Variants in PDE4B observed in about 807,000 individuals in gnomAD.
PDE4B encodes the protein phosphodiesterase 4B, also known as 3',5'-cyclic-AMP phosphodiesterase 4B.
Under a neutral mutation model 82.2 loss-of-function variants are expected in PDE4B, and 20 were observed. The ratio of observed to expected loss-of-function variants is 0.24; its 90% CI spans 0.17 to 0.35. The LOEUF (loss-of-function observed/expected upper bound fraction) is 0.35. PDE4B is among the 10% of genes least tolerant of loss of function. The pLI, the probability that PDE4B is intolerant of heterozygous loss-of-function variation, is 1.00. For synonymous variants in PDE4B, 320 were observed against 318.9 expected (o/e 1.00, Z -0.04); for missense variants, 655 against 907.2 (o/e 0.72, Z 3.57).
chr1:66,180,479 A>G (rs1407689469), intron 3 of PDE4B, among the ~76,000 whole-genome samples: 1 of 152,244 alleles, frequency 6.6e-6, no homozygotes, highest in Non-Finnish European at 1.5e-5. Context: ...ATTTAAAAAG[A>G]TAATCATAGA....
chr1:66,025,205 T>C (rs1397888248), intron 3 of PDE4B, among the ~76,000 whole-genome samples: 1 of 152,086 alleles, frequency 6.6e-6, no homozygotes, highest in East Asian at 1.9e-4. Flanking sequence ...TCACCAAGTT[T>C]TTCAAAAAAT....
intron 8 of PDE4B, among the ~76,000 whole-genome samples, chr1:66,336,398 T>C (rs1321061051): frequency 6.6e-6 from 1 of 152,194 alleles, no homozygotes; most frequent in African/African-American, 2.4e-5. Flanking sequence ...AATTTTCAGG[T>C]GAAAAACGTC....
At position 66,367,937 on chromosome 1, in the gene PDE4B, C is replaced by A; in HGVS notation, c.1540-6C>A. On this transcript the variant is annotated splice_polypyrimidine_tract_variant and splice_region_variant and intron_variant, in intron 14 of 16. Transcript: ENST00000341517. ...ATTAAGAGTTTTCATTTTCTTTTTACCCAAGGTGTTAGCAACTGATATGTC... is the reference window on the plus strand; with the variant it reads ...ATTAAGAGTTTTCATTTTCTTTTTAACCAAGGTGTTAGCAACTGATATGTC... 1 of 1,613,256 alleles carries A rather than the reference C, an allele frequency of 6.2e-7. No homozygotes were observed. The highest frequency in any genetic ancestry group is 1.1e-5 in the South Asian group (1 of 90,948).
intron 1 of PDE4B, among the ~76,000 whole-genome samples, chr1:65,829,688 C>G (rs1342912181): frequency 1.3e-5 from 2 of 152,018 alleles, no homozygotes; most frequent in African/African-American, 4.8e-5. Flanking sequence ...AAAAAATACT[C>G]TTCTAAATAA....
chr1:66,190,175 G>C (rs555068610), intron 3 of PDE4B, among the ~76,000 whole-genome samples: 74 of 152,290 alleles, frequency 4.9e-4, no homozygotes, highest in African/African-American at 1.8e-3. Context: ...AAATGTTGCT[G>C]CCTGATCATT....
intron 3 of PDE4B, among the ~76,000 whole-genome samples, chr1:65,923,555 C>T (rs549388378): frequency 6.6e-6 from 1 of 152,282 alleles, no homozygotes; most frequent in South Asian, 2.1e-4. Flanking sequence ...TTAATTCCTC[C>T]TCATATCTTA....
chr1:66,229,898 C>G (rs1189325241), intron 3 of PDE4B, among the ~76,000 whole-genome samples: 1 of 152,196 alleles, frequency 6.6e-6, no homozygotes, highest in South Asian at 2.1e-4. Flanking sequence ...GGCCCTTTAG[C>G]TAGCAAATGA....
At chr1:65,900,855 A>G (rs1375599697) in intron 1 of PDE4B, among the ~76,000 whole-genome samples, 2 of 152,074 alleles carry the variant, frequency 1.3e-5, no homozygotes, top group Admixed American at 6.6e-5. Context: ...GGAACCTTTT[A>G]GTGGAGTCCT....
intron 1 of PDE4B, among the ~76,000 whole-genome samples, chr1:65,814,990 G>C (rs920601771): frequency 7.3e-5 from 11 of 151,460 alleles, no homozygotes; most frequent in Admixed American, 4.6e-4. Flanking sequence ...CCCAGCAAAA[G>C]TGTGTTCATT....
chr1:65,906,619 C>T (rs767316386), intron 1 of PDE4B, among the ~76,000 whole-genome samples: 9 of 152,062 alleles, frequency 5.9e-5, no homozygotes, highest in Non-Finnish European at 1.2e-4. Context: ...GCATTATTTA[C>T]ACAAGCAGAA....
At chr1:65,890,920 G>C (rs1454857447) in intron 1 of PDE4B, among the ~76,000 whole-genome samples, 1 of 151,990 alleles carries the variant, frequency 6.6e-6, no homozygotes, top group Admixed American at 6.6e-5. Context: ...ATTGGTTCTG[G>C]GGTGAGACTG....
At chr1:66,335,060 T>G (rs938226360) in intron 8 of PDE4B, among the ~76,000 whole-genome samples, 1 of 152,256 alleles carries the variant, frequency 6.6e-6, no homozygotes, top group African/African-American at 2.4e-5. Context: ...TCCATCCAAG[T>G]TGACATCTTA....
intron 1 of PDE4B, among the ~76,000 whole-genome samples, chr1:65,829,836 T>TTA (rs1646061789): frequency 2.0e-5 from 3 of 152,204 alleles, no homozygotes; most frequent in African/African-American, 4.8e-5. Context: ...TCAGAGATGT[T>TTA]GGTACGATCT....
chr1:66,224,283 A>G (rs1451351214), intron 3 of PDE4B, among the ~76,000 whole-genome samples: 1 of 152,168 alleles, frequency 6.6e-6, no homozygotes, highest in East Asian at 1.9e-4. Flanking sequence ...CCAAGCTTAA[A>G]TGTAAGTATT....
intron 7 of PDE4B, among the ~76,000 whole-genome samples, chr1:66,287,549 G>A (rs1418786627): frequency 1.3e-5 from 2 of 152,142 alleles, no homozygotes; most frequent in South Asian, 2.1e-4. Context: ...TGACTAGAAC[G>A]GAGGGTGAGG....
At chr1:66,102,434 G>T (rs116282200) in intron 3 of PDE4B, among the ~76,000 whole-genome samples, 4,156 of 152,160 alleles carry the variant, frequency 0.027, 82 homozygotes, top group Non-Finnish European at 0.043. Flanking sequence ...GGGAAATATT[G>T]AAATTCATTT....
At chr1:66,129,043 T>C (rs573036595) in intron 3 of PDE4B, among the ~76,000 whole-genome samples, 3 of 152,270 alleles carry the variant, frequency 2.0e-5, no homozygotes, top group African/African-American at 7.2e-5. Context: ...ATAAGGAAAC[T>C]GAGGGAAGTA....
chr1:66,222,045 C>T (rs1651029263), intron 3 of PDE4B, among the ~76,000 whole-genome samples: 1 of 152,168 alleles, frequency 6.6e-6, no homozygotes, highest in Non-Finnish European at 1.5e-5. Context: ...GCTGGGTCAT[C>T]AGTAACCCAG....
rs369405146 is a variant in PDE4B, at chr1:66,313,560, C to T, written c.635-18948C>T. ...CCCTTCCAGATTCAATAATCCTTTC[C>T]ATCCCAGAAGATTTGGCCTGGTTCC... is the stretch of plus-strand genomic sequence containing the variant. On this transcript the variant is annotated intron_variant, in intron 7 of 16. Transcript: ENST00000341517. Among the ~76,000 whole-genome samples the T allele has an allele frequency of 2.0e-5, 3 of 152,320 alleles. No homozygotes were observed. In the South Asian group the frequency reaches 6.2e-4, roughly 32 times the overall value.
Sources: gnomAD v4.1 joint callset for allele counts (sites outside exome capture counted in the v4.1 genomes callset) on GRCh38, gnomAD v4.1.1 for gene constraint, MANE v1.5 for transcripts, NCBI Gene and HGNC (gene_info 2026-07-23, HGNC 2026-07-21) for gene names.